Variants in PDE1C observed in about 807,000 individuals in gnomAD.
The protein encoded by PDE1C is phosphodiesterase 1C, also known as dual specificity calcium/calmodulin-dependent 3',5'-cyclic nucleotide phosphodiesterase 1C.
A neutral mutation model predicts 93.1 loss-of-function variants in PDE1C; 62 were observed. The observed-to-expected ratio is 0.67, with a 90% CI of 0.54 to 0.82. The LOEUF (loss-of-function observed/expected upper bound fraction) is 0.82, where lower values mean the gene tolerates loss of function less well. PDE1C is among the 40% of genes least tolerant of loss of function. PDE1C has a pLI of 0.00. For missense variants in PDE1C, 742 were observed against 884.6 expected (o/e 0.84, Z 2.04); for synonymous variants, 325 against 310.1 (o/e 1.05, Z -0.50).
At chr7:31,899,947 G>A (rs1176972473) in intron 2 of PDE1C, among the ~76,000 whole-genome samples, 1 of 152,116 alleles carries the variant, frequency 6.6e-6, no homozygotes, top group Non-Finnish European at 1.5e-5. Flanking sequence ...GGTATGCAGG[G>A]ATGCTGCTAA....
intron 3 of PDE1C, among the ~76,000 whole-genome samples, chr7:32,135,817 G>A (rs895331366): frequency 3.9e-5 from 6 of 152,032 alleles, no homozygotes; most frequent in Admixed American, 1.3e-4. Flanking sequence ...ATATCTATAC[G>A]TTCATGTTCA....
At chr7:31,908,458 C>A (rs1800858472) in intron 2 of PDE1C, among the ~76,000 whole-genome samples, 1 of 152,166 alleles carries the variant, frequency 6.6e-6, no homozygotes, top group South Asian at 2.1e-4. Flanking sequence ...ACACATCCCA[C>A]CACTGCAGGG....
At chr7:32,012,775 G>T (rs939269656) in intron 2 of PDE1C, among the ~76,000 whole-genome samples, 1 of 152,136 alleles carries the variant, frequency 6.6e-6, no homozygotes, top group African/African-American at 2.4e-5. Context: ...CAATAAAGCT[G>T]ATTTTAAAAT....
the PDE1C span, among the ~76,000 whole-genome samples, chr7:31,689,366 C>T: frequency 0.25 from 37,419 of 152,038 alleles, 5,882 homozygotes; most frequent in African/African-American, 0.44. Flanking sequence ...ATGCAGAGGA[C>T]CAACTATGCA....
At chr7:32,052,415 A>G in intron 1 of PDE1C, 2 of 451,396 alleles carry the variant, frequency 4.4e-6, no homozygotes, top group South Asian at 1.6e-5. Context: ...TGTTGTCCCA[A>G]TATCCCAAAG....
At chr7:31,973,774 C>G (rs886394186) in intron 2 of PDE1C, among the ~76,000 whole-genome samples, 5 of 150,948 alleles carry the variant, frequency 3.3e-5, no homozygotes, top group African/African-American at 1.2e-4. Context: ...CTCAGACACT[C>G]TGGTTACGGG....
At chr7:32,247,183 C>A (rs184563575) in intron 1 of PDE1C, among the ~76,000 whole-genome samples, 137 of 152,224 alleles carry the variant, frequency 9.0e-4, no homozygotes, top group Non-Finnish European at 1.0e-3. Flanking sequence ...TACGCAAAGG[C>A]CAAGAAGAGT....
intron 1 of PDE1C, among the ~76,000 whole-genome samples, chr7:32,276,715 T>C (rs1356264311): frequency 2.0e-5 from 3 of 152,160 alleles, no homozygotes; most frequent in Non-Finnish European, 2.9e-5. Context: ...CTCACAGGGA[T>C]GTTGTGAGGA....
At chr7:32,292,853 T>A (rs975432664) in intron 1 of PDE1C, among the ~76,000 whole-genome samples, 1 of 152,178 alleles carries the variant, frequency 6.6e-6, no homozygotes, top group Non-Finnish European at 1.5e-5. Context: ...CCTGTCCAGG[T>A]CTGTGGAGGC....
chr7:32,169,010 T>C (rs956899062), intron 3 of PDE1C, among the ~76,000 whole-genome samples: 1 of 152,132 alleles, frequency 6.6e-6, no homozygotes, highest in Non-Finnish European at 1.5e-5. Flanking sequence ...GAAGTAAAAT[T>C]GACATAACAG....
chr7:32,036,115 T>C (rs1243697374), intron 2 of PDE1C, among the ~76,000 whole-genome samples: 4 of 152,158 alleles, frequency 2.6e-5, no homozygotes, highest in Non-Finnish European at 5.9e-5. Flanking sequence ...CATTCACAAA[T>C]TGTTTACTTC....
intron 2 of PDE1C, among the ~76,000 whole-genome samples, chr7:32,006,826 T>C (rs1025165236): frequency 7.2e-5 from 11 of 152,110 alleles, no homozygotes; most frequent in Admixed American, 6.5e-4. Context: ...AAGAGTGCCA[T>C]GATGCAAAGT....
intron 1 of PDE1C, among the ~76,000 whole-genome samples, chr7:32,061,321 A>G (rs1316733230): frequency 2.0e-5 from 3 of 152,222 alleles, no homozygotes; most frequent in Non-Finnish European, 4.4e-5. Context: ...TAGAAATAGA[A>G]GGAAGGCCTT....
the PDE1C span, among the ~76,000 whole-genome samples, chr7:31,687,865 TA>T: frequency 6.6e-6 from 1 of 152,196 alleles, no homozygotes; most frequent in Non-Finnish European, 1.5e-5. Flanking sequence ...TTCCATCCAG[TA>T]AATCAAGACC....
Position 32,222,907 on chromosome 7 carries a change from A to G in PDE1C, c.86-13368T>C, listed in dbSNP as rs149130916. Among the ~76,000 whole-genome samples the G allele has an allele frequency of 1.9e-3, 286 of 152,298 alleles. 8 individuals carry two copies. The East Asian group carries it at 0.037, about 20-fold the overall frequency. The stretch of plus-strand genomic sequence containing the variant: ...CCCCACAAAATTCATCAGGACAAAA[A>G]TGTGACAGTACCCTTGTTTCTATTC... On this transcript the variant is annotated intron_variant, in intron 1 of 18. Transcript: ENST00000396193.
chr7:32,285,555 T>C (rs2128894496), intron 1 of PDE1C, among the ~76,000 whole-genome samples: 1 of 152,214 alleles, frequency 6.6e-6, no homozygotes, highest in East Asian at 1.9e-4. Context: ...GATGATTGCA[T>C]AACTGTAAAC....
At chr7:31,885,670 T>A (rs1163578882) in intron 2 of PDE1C, among the ~76,000 whole-genome samples, 1 of 152,198 alleles carries the variant, frequency 6.6e-6, no homozygotes, top group African/African-American at 2.4e-5. Context: ...TATTTTGTAA[T>A]TTAAAAGGAT....
At chr7:32,003,460 A>AAAACACTGT (rs1785744934) in intron 2 of PDE1C, among the ~76,000 whole-genome samples, 1 of 152,262 alleles carries the variant, frequency 6.6e-6, no homozygotes, top group Admixed American at 6.5e-5. Context: ...GGTTCAAGAT[A>AAAACACTGT]AAACACTGTA....
intron 2 of PDE1C, among the ~76,000 whole-genome samples, chr7:31,982,935 A>T (rs1267133108): frequency 6.6e-6 from 1 of 152,226 alleles, no homozygotes; most frequent in South Asian, 2.1e-4. Flanking sequence ...TGCCAAAAAA[A>T]TTATATAAAA....
Sources: gnomAD v4.1 joint callset for allele counts (sites outside exome capture counted in the v4.1 genomes callset) on GRCh38, gnomAD v4.1.1 for gene constraint, MANE v1.5 for transcripts, NCBI Gene and HGNC (gene_info 2026-07-23, HGNC 2026-07-21) for gene names.